Variants in LAMA2 observed in about 807,000 individuals in gnomAD.
The protein encoded by LAMA2 is laminin subunit alpha-2.
A neutral mutation model predicts 364.8 loss-of-function variants in LAMA2; 269 were observed. That is an observed-to-expected ratio of 0.74 (90% CI 0.67 to 0.82). LAMA2 has a LOEUF of 0.82. LAMA2 is among the 40% of genes least tolerant of loss of function. The pLI is 0.00. For missense variants in LAMA2, 3,807 were observed against 3,873.2 expected (o/e 0.98, Z 0.45); for synonymous variants, 1,379 against 1,370.6 (o/e 1.01, Z -0.14).
At chr6:129,447,926 C>T (rs1177294455) in intron 45 of LAMA2, among the ~76,000 whole-genome samples, 1 of 152,156 alleles carries the variant, frequency 6.6e-6, no homozygotes, top group Non-Finnish European at 1.5e-5. Context: ...GAGTGCTTTT[C>T]CCCTCCTCAC....
At chr6:128,932,798 C>T (rs7764806) in intron 1 of LAMA2, among the ~76,000 whole-genome samples, 131,598 of 152,224 alleles carry the variant, frequency 0.86, 57,015 homozygotes, top group South Asian at 0.92. Context: ...TTAATTAATA[C>T]GTGTATCACC....
chr6:129,454,314 T>C (rs1782845635), intron 47 of LAMA2, 26 bp downstream of exon 47: 2 of 1,585,258 alleles, frequency 1.3e-6, no homozygotes, highest in Non-Finnish European at 1.7e-6. Context: ...AAGATTAAGA[T>C]AATTAAATGA....
chr6:129,056,858 G>A (rs544996569), intron 2 of LAMA2, among the ~76,000 whole-genome samples: 1 of 151,088 alleles, frequency 6.6e-6, no homozygotes, highest in East Asian at 2.0e-4. Context: ...AGCCTCCCAA[G>A]TAGCTGGGAA....
intron 12 of LAMA2, among the ~76,000 whole-genome samples, chr6:129,229,415 T>C (rs1784533404): frequency 6.6e-6 from 1 of 151,940 alleles, no homozygotes; most frequent in Admixed American, 6.6e-5. Flanking sequence ...CCCTCAAGGA[T>C]GGGGTAAGAG....
chr6:129,374,620 C>A (rs7738438), intron 34 of LAMA2, among the ~76,000 whole-genome samples: 1 of 151,246 alleles, frequency 6.6e-6, no homozygotes, highest in African/African-American at 2.4e-5. Flanking sequence ...CCTTGTTGTC[C>A]AGGCTGGAGT....
chr6:129,063,958 G>C (rs980845657), intron 3 of LAMA2, among the ~76,000 whole-genome samples: 1 of 152,014 alleles, frequency 6.6e-6, no homozygotes, highest in Non-Finnish European at 1.5e-5. Flanking sequence ...CATAAAATAC[G>C]TGGAAATACT....
intron 8 of LAMA2, among the ~76,000 whole-genome samples, chr6:129,155,835 C>A (rs1779079604): frequency 6.7e-6 from 1 of 149,622 alleles, no homozygotes; most frequent in African/African-American, 2.5e-5. Context: ...TCAAGATTGT[C>A]TATAGTAGGG....
At chr6:129,160,404 T>C (rs1343714862) in intron 8 of LAMA2, among the ~76,000 whole-genome samples, 3 of 152,134 alleles carry the variant, frequency 2.0e-5, no homozygotes, top group Admixed American at 2.0e-4. Flanking sequence ...TGCCTTATTA[T>C]CTTCTTGAAG....
At chr6:129,295,721 C>T (rs996813368) in intron 20 of LAMA2, among the ~76,000 whole-genome samples, 10 of 151,718 alleles carry the variant, frequency 6.6e-5, no homozygotes, top group Non-Finnish European at 7.4e-5. Flanking sequence ...GGGGTGTACA[C>T]ACACCCCTTT....
chr6:129,007,549 C>T (rs949625464), intron 1 of LAMA2, among the ~76,000 whole-genome samples: 1 of 152,182 alleles, frequency 6.6e-6, no homozygotes, highest in Non-Finnish European at 1.5e-5. Context: ...AAAATGTCTC[C>T]TCCAGGTGAT....
intron 20 of LAMA2, among the ~76,000 whole-genome samples, chr6:129,292,606 G>C (rs1789786850): frequency 6.6e-6 from 1 of 152,204 alleles, no homozygotes; most frequent in South Asian, 2.1e-4. Flanking sequence ...TCCTCCATGA[G>C]GGTGGACAGA....
rs1262029350 is a variant in LAMA2, at chr6:129,445,822, G to T, written c.6429+1G>T. The T allele has an allele frequency of 6.8e-6, 11 of 1,612,168 alleles. No individual in the cohort carries two copies. Among genetic ancestry groups the T allele is most frequent in the African/African-American group, 1.3e-5 (1 of 74,890 alleles). ...CCAAGCTCGGAAACAAGCCAATTCTGTAAGTTCTTTTTATCGTCAGTATCA... is the reference window on the plus strand; with the variant it reads ...CCAAGCTCGGAAACAAGCCAATTCTTTAAGTTCTTTTTATCGTCAGTATCA... On this transcript the variant is annotated splice_donor_variant, in intron 45 of 64. Transcript: ENST00000421865. LOFTEE classifies it high-confidence loss of function.
chr6:128,905,343 C>A (rs888839517), intron 1 of LAMA2: 5 of 151,946 alleles, frequency 3.3e-5, no homozygotes, highest in Non-Finnish European at 7.4e-5. Context: ...GAGTTTAAAC[C>A]TCTTACCTCC....
intron 22 of LAMA2, among the ~76,000 whole-genome samples, chr6:129,306,739 T>C (rs1341315134): frequency 6.6e-6 from 1 of 152,086 alleles, no homozygotes; most frequent in East Asian, 1.9e-4. Context: ...CCTAACCTGT[T>C]TTTAATCCAA....
intron 12 of LAMA2, among the ~76,000 whole-genome samples, chr6:129,225,985 C>G (rs1341705266): frequency 1.3e-5 from 2 of 152,068 alleles, no homozygotes; most frequent in Admixed American, 1.3e-4. Context: ...CTTTGTAGGT[C>G]TCTAAGGACT....
intron 60 of LAMA2, among the ~76,000 whole-genome samples, chr6:129,503,937 C>T (rs1024202852): frequency 6.6e-6 from 1 of 152,242 alleles, no homozygotes; most frequent in Non-Finnish European, 1.5e-5. Context: ...TGCCAGCTTA[C>T]TGTCCTCTTT....
rs545031686 is a variant in LAMA2, at chr6:129,175,604, C to T, written c.1307-2102C>T. Reference sequence around the variant, plus strand: ...TTAACTAGCATTACAGAAAACCAAACACCGCATGTTCTTACTCGTAAGTGG... The same window carrying T: ...TTAACTAGCATTACAGAAAACCAAATACCGCATGTTCTTACTCGTAAGTGG... On this transcript the variant is annotated intron_variant, in intron 9 of 64. Coordinates refer to ENST00000421865, the MANE Select transcript of LAMA2 (RefSeq NM_000426.4). Among the ~76,000 whole-genome samples the T allele has an allele frequency of 4.6e-5, 7 of 152,278 alleles. No homozygotes were observed. The South Asian group carries it at 1.4e-3, about 32-fold the overall frequency.
At chr6:129,227,546 A>T (rs1784383975) in intron 12 of LAMA2, among the ~76,000 whole-genome samples, 1 of 152,176 alleles carries the variant, frequency 6.6e-6, no homozygotes, top group Admixed American at 6.5e-5. Flanking sequence ...TCCTTCTTAC[A>T]GTCAGGACCC....
At chr6:129,303,174 A>G (rs1472167243) in intron 22 of LAMA2, among the ~76,000 whole-genome samples, 2 of 152,136 alleles carry the variant, frequency 1.3e-5, no homozygotes, top group Non-Finnish European at 2.9e-5. Context: ...TTGCATATAT[A>G]TTGTTAAATG....
Sources: gnomAD v4.1 joint callset for allele counts (sites outside exome capture counted in the v4.1 genomes callset) on GRCh38, gnomAD v4.1.1 for gene constraint, MANE v1.5 for transcripts, NCBI Gene and HGNC (gene_info 2026-07-23, HGNC 2026-07-21) for gene names.